ZC4H2: variants seen among roughly 807,000 people sequenced by gnomAD.
The protein encoded by ZC4H2 is zinc finger C4H2-type containing.
For missense variants in ZC4H2, 137 were observed against 173.9 expected (o/e 0.79, Z 1.19); for synonymous variants, 84 against 66.3 (o/e 1.27, Z -1.30).
At chrX:65,031,262 T>C (rs1228255561) in intron 1 of ZC4H2, among the ~76,000 whole-genome samples, 2 of 112,363 alleles carry the variant, frequency 1.8e-5, no homozygotes, top group African/African-American at 3.2e-5. Flanking sequence ...AGATAAAATA[T>C]GCATAAGTCA....
intron 1 of ZC4H2, among the ~76,000 whole-genome samples, chrX:64,934,120 G>A (rs994341489): frequency 3.6e-5 from 4 of 112,117 alleles, no homozygotes; most frequent in African/African-American, 6.5e-5. Flanking sequence ...AGACCTGGGA[G>A]AGAAGACCTG....
At chrX:64,995,128 G>A (rs372545469) in intron 1 of ZC4H2, among the ~76,000 whole-genome samples, 17 of 101,879 alleles carry the variant, frequency 1.7e-4, no homozygotes, top group Non-Finnish European at 3.0e-4. Flanking sequence ...AAAAAAAAAA[G>A]GATTTTCTAG....
intron 1 of ZC4H2, chrX:65,034,555 G>A: frequency 8.8e-6 from 1 of 114,172 alleles, no homozygotes. Context: ...GAGGGGCTGG[G>A]AGACGGTCGT....
chrX:64,994,461 A>T (rs910043404), intron 1 of ZC4H2, among the ~76,000 whole-genome samples: 12 of 112,077 alleles, frequency 1.1e-4, no homozygotes, highest in African/African-American at 3.9e-4. Flanking sequence ...TATTGTTCAA[A>T]TTAGGATATT....
intron 1 of ZC4H2, among the ~76,000 whole-genome samples, chrX:64,935,016 C>T (rs957532492): frequency 4.5e-5 from 5 of 110,647 alleles, no homozygotes; most frequent in Non-Finnish European, 9.5e-5. Context: ...AGCCAGGGAG[C>T]CAAGTAGTCT....
chrX:64,921,210 G>C (rs1417281600), intron 2 of ZC4H2, among the ~76,000 whole-genome samples: 2 of 112,056 alleles, frequency 1.8e-5, no homozygotes, highest in East Asian at 5.6e-4. Context: ...GGTGATAAGG[G>C]TTTGAAAAGA....
chrX:65,026,717 A>G (rs1303994660), intron 1 of ZC4H2, among the ~76,000 whole-genome samples: 5 of 110,936 alleles, frequency 4.5e-5, no homozygotes, highest in Non-Finnish European at 9.4e-5. Context: ...TCAGGAAAAA[A>G]AAAAAAAGGA....
chrX:64,928,452 C>G (rs1303792029), intron 1 of ZC4H2, among the ~76,000 whole-genome samples: 4 of 111,534 alleles, frequency 3.6e-5, no homozygotes, highest in Admixed American at 1.9e-4. Flanking sequence ...GCATTAAATC[C>G]AAGGACTCTG....
At chrX:65,028,372 T>C (rs1039411813) in intron 1 of ZC4H2, among the ~76,000 whole-genome samples, 1 of 112,367 alleles carries the variant, frequency 8.9e-6, no homozygotes, top group African/African-American at 3.2e-5. Context: ...TCAATTCTAG[T>C]GATTCAACTT....
intron 1 of ZC4H2, among the ~76,000 whole-genome samples, chrX:64,949,425 G>A (rs995593164): frequency 1.9e-4 from 21 of 111,109 alleles, no homozygotes; most frequent in African/African-American, 4.9e-4. Context: ...ATATCAAACT[G>A]TTTTAAAACT....
At chrX:64,929,136 G>C (rs1929621010) in intron 1 of ZC4H2, among the ~76,000 whole-genome samples, 1 of 110,985 alleles carries the variant, frequency 9.0e-6, no homozygotes, top group African/African-American at 3.3e-5. Context: ...CCAGTGATCT[G>C]CCTTCCTTGG....
chrX:64,978,427 C>T (rs753286945), upstream of ZC4H2, among the ~76,000 whole-genome samples: 16 of 112,246 alleles, frequency 1.4e-4, no homozygotes, highest in African/African-American at 3.9e-4. Flanking sequence ...TGGTTAGTCA[C>T]AAAGCCTGTG....
At chrX:65,029,124 G>A (rs1231133464) in intron 1 of ZC4H2, among the ~76,000 whole-genome samples, 1 of 111,080 alleles carries the variant, frequency 9.0e-6, no homozygotes, top group Non-Finnish European at 1.9e-5. Context: ...GTAGGTTGAA[G>A]GAGAAGTGTC....
At chrX:64,920,681 G>T (rs761439965) in intron 2 of ZC4H2, among the ~76,000 whole-genome samples, 1 of 112,261 alleles carries the variant, frequency 8.9e-6, no homozygotes, top group South Asian at 3.7e-4. Flanking sequence ...ATCAAATCCT[G>T]CATAAAGACT....
At chrX:65,011,513 C>A (rs1329316799) in intron 1 of ZC4H2, among the ~76,000 whole-genome samples, 9 of 111,051 alleles carry the variant, frequency 8.1e-5, no homozygotes, top group Non-Finnish European at 1.7e-4. Flanking sequence ...TCCCAGGATG[C>A]AATTTACAGT....
chrX:64,998,256 T>C (rs1390956946), intron 1 of ZC4H2, among the ~76,000 whole-genome samples: 1 of 111,983 alleles, frequency 8.9e-6, no homozygotes, highest in African/African-American at 3.2e-5. Flanking sequence ...TTCAATTACA[T>C]GCTGTCTACA....
chrX:65,005,564 T>G (rs1399529182), intron 1 of ZC4H2, among the ~76,000 whole-genome samples: 1 of 110,317 alleles, frequency 9.1e-6, no homozygotes, highest in Non-Finnish European at 1.9e-5. Flanking sequence ...TAACTCAAGA[T>G]GGATTAAAGA....
chrX:64,920,023 A>C, intron 3 of ZC4H2, 58 bp downstream of exon 3: 5 of 1,140,370 alleles, frequency 4.4e-6, no homozygotes, highest in Non-Finnish European at 5.9e-6. Context: ...TAGGTATGTA[A>C]GTATGTATGT....
chrX:64,920,136 G>A lies in ZC4H2; in HGVS notation c.343C>T (p.Leu115=), dbSNP rs757779019. Residue 115 remains leucine (L), a synonymous_variant, in exon 3 of 5, where the codon CTG becomes TTG. Transcript: ENST00000374839. ...KEHVDALRMT[L]GLQRLPDLCE... is the part of the protein sequence containing the mutation. ...AAGTCAGGGAGCCTCTGCAGGCCCA[G>A]AGTCATGCGCAGGGCATCCACATGT... The A allele has an allele frequency of 2.7e-5, 33 of 1,209,928 alleles. No individual in the cohort carries two copies. Among genetic ancestry groups the A allele is most frequent in the Non-Finnish European group, 3.5e-5 (31 of 895,268 alleles).
Sources: allele counts gnomAD v4.1 joint callset (sites outside exome capture counted in the v4.1 genomes callset), GRCh38; gene constraint gnomAD v4.1.1; transcripts MANE v1.5; gene names NCBI Gene and HGNC (gene_info 2026-07-23, HGNC 2026-07-21).